LYSMD1: variants seen among roughly 807,000 people sequenced by gnomAD.
The protein encoded by LYSMD1 is lysM and putative peptidoglycan-binding domain-containing protein 1.
In LYSMD1, 9 loss-of-function variants were observed where a neutral mutation model predicts 19.3. The observed-to-expected ratio is 0.47, with a 90% CI of 0.28 to 0.81. The LOEUF is 0.81. Among genes scored for constraint, LYSMD1 ranks in the 40% least tolerant of loss-of-function variants. The pLI, the probability that LYSMD1 is intolerant of heterozygous loss-of-function variation, is 0.11. For missense variants in LYSMD1, 262 were observed against 279.8 expected (o/e 0.94, Z 0.45); for synonymous variants, 111 against 111.7 (o/e 0.99, Z 0.04).
In LYSMD1 at chr1:151,165,723, G is replaced by A. The variant is rs587616895; in HGVS notation, c.-465C>T. 4.5e-6 allele frequency: 7 copies of A among 1,551,598 alleles called. No individual in the cohort carries two copies. The highest frequency in any genetic ancestry group is 2.0e-5 in the Admixed American group (1 of 50,988). The stretch of plus-strand genomic sequence containing the variant: ...CTGTCGCCGCAGACGAAGAGCGTGA[G>A]GATTGCAAGAATTTGTAGTACACCT... On this transcript the variant is annotated 5_prime_UTR_variant, in exon 1 of 3. Transcript: ENST00000368908.
At position 151,160,700 on chromosome 1, in the gene LYSMD1, C is replaced by T. The variant is rs1475030420; in HGVS notation, c.*182G>A. ...CTGGGAAAGGTCCAGTTCCCATTCC[C>T]TAATCTTGCCAATAAAACTGCCCCA... On this transcript the variant is annotated 3_prime_UTR_variant, in exon 3 of 3. Transcript: ENST00000368908. 6.7e-6 allele frequency: 4 copies of T among 598,744 alleles called. No homozygotes were observed. Among genetic ancestry groups the T allele is most frequent in the Non-Finnish European group, 8.5e-6 (3 of 352,582 alleles). 37.1% of individuals were successfully genotyped at this position (598,744 alleles called of 1,614,324 possible).
downstream of LYSMD1, among the ~76,000 whole-genome samples, chr1:151,155,834 C>T (rs754257590): frequency 2.2e-4 from 34 of 152,040 alleles, no homozygotes; most frequent in Admixed American, 7.9e-4. Flanking sequence ...CTGCGGGGTG[C>T]GTTGGCTCAC....
At chr1:151,159,125 T>A (rs752229979), downstream of LYSMD1, 4 of 1,614,198 alleles carry the variant, frequency 2.5e-6, no homozygotes, top group Non-Finnish European at 3.4e-6. Flanking sequence ...CATGGCCGCA[T>A]CCGCCACGTG....
In LYSMD1 at chr1:151,161,782, G is replaced by C. The variant is rs1256812456; in HGVS notation, c.499C>G (p.Leu167Val). The change falls in exon 2 of 3, where the codon CTG becomes GTG. Residue 167 changes from leucine to valine, a missense_variant. By Grantham distance (32) the Leu-to-Val change is conservative (BLOSUM62 1). Coordinates refer to ENST00000368908, the MANE Select transcript of LYSMD1 (RefSeq NM_212551.5). ...FLKKLDSQIS[L>V]SKKAAAQKLK... ...TTCTGAGCAGCAGCCTTCTTGGACA[G>C]GCTGATCTGTGAATCAAGCTTCTTA... is the stretch of plus-strand genomic sequence containing the variant. The C allele has an allele frequency of 1.2e-6, 2 of 1,613,316 alleles. No individual in the cohort carries two copies. Among genetic ancestry groups the C allele is most frequent in the Non-Finnish European group, 1.7e-6 (2 of 1,179,834 alleles).
rs757193823 is a variant in LYSMD1, at chr1:151,162,134, T to C, written c.181-34A>G. The C allele has an allele frequency of 4.9e-5, 77 of 1,571,988 alleles. 1 individual carries two copies. The East Asian group carries it at 1.7e-3, about 35-fold the overall frequency. On this transcript the variant is annotated intron_variant, in intron 1 of 2. Coordinates refer to ENST00000368908, the MANE Select transcript of LYSMD1 (RefSeq NM_212551.5). ...AAAAAGTCACCAAAATTAAGGACAG[T>C]AATAATGATCAATCTTACATCTTGA... is the stretch of plus-strand genomic sequence containing the variant.
chr1:151,159,753 A>C lies in LYSMD1; in HGVS notation c.*1129T>G. ...GAAATAAAACTACTAAAATATGCAC[A>C]GGGCTCAATGTTTAATCTGTCCAGC... On this transcript the variant is annotated 3_prime_UTR_variant, in exon 3 of 3. Transcript: ENST00000368908. The C allele has an allele frequency of 3.4e-5, 6 of 177,840 alleles. No homozygotes were observed. The highest frequency in any genetic ancestry group is 1.7e-4 in the East Asian group (1 of 5,836). The allele number at this position is 177,840 out of a possible 1,614,324, so 11.0% of individuals were successfully genotyped here.
chr1:151,165,821 GGTT>G lies in LYSMD1; in HGVS notation c.-566_-564del, dbSNP rs1475653180. The G allele has an allele frequency of 9.3e-6, 14 of 1,507,992 alleles. No homozygotes were observed. In the Admixed American group the frequency reaches 9.8e-5, roughly 11 times the overall value. The allele number at this position is 1,507,992 out of a possible 1,614,324, so 93.4% of individuals were successfully genotyped here. A position where few individuals can be genotyped will look rare whatever the true frequency, so the allele number is the denominator to read the frequency against. On this transcript the variant is annotated 5_prime_UTR_variant, in exon 1 of 3. Coordinates refer to ENST00000368908, the MANE Select transcript of LYSMD1 (RefSeq NM_212551.5). ...CCCTCAAATTTCGGCTCCACATCTAGGTTGTTGTCCCTCCAAACGCCTCAGATC... is the reference window on the plus strand; with the variant it reads ...CCCTCAAATTTCGGCTCCACATCTAGGTTGTCCCTCCAAACGCCTCAGATC...
chr1:151,159,111 G>A (rs936360054), downstream of LYSMD1: 5 of 1,614,028 alleles, frequency 3.1e-6, no homozygotes, highest in African/African-American at 5.3e-5. Flanking sequence ...TCACGCCCAA[G>A]TCACATGGCC....
chr1:151,161,799 A>G lies in LYSMD1; in HGVS notation c.482T>C (p.Leu161Pro). The G allele has an allele frequency of 1.2e-6, 2 of 1,612,820 alleles. No individual in the cohort carries two copies. Among genetic ancestry groups the G allele is most frequent in the Non-Finnish European group, 1.7e-6 (2 of 1,179,678 alleles). ...DLSASDFLKKLDSQISLSKKA... is the reference protein window; with the variant it reads ...DLSASDFLKKPDSQISLSKKA... ...CTTGGACAGGCTGATCTGTGAATCA[A>G]GCTTCTTAAGGAAATCAGAGGCAGA... Residue 161 changes from leucine (L) to proline (P), a missense_variant, in exon 2 of 3, where the codon CTT (leucine) becomes CCT (proline). Transcript: ENST00000368908.
downstream of LYSMD1, among the ~76,000 whole-genome samples, chr1:151,158,382 C>T (rs1683302029): frequency 6.6e-6 from 1 of 151,466 alleles, no homozygotes; most frequent in Admixed American, 6.6e-5. Flanking sequence ...GCAGCAGCAA[C>T]AGCCTACTTC....
chr1:151,151,417 T>G, the LYSMD1 span, among the ~76,000 whole-genome samples: 1 of 150,026 alleles, frequency 6.7e-6, no homozygotes, highest in Non-Finnish European at 1.5e-5. Flanking sequence ...GCCAGGATGG[T>G]CTCGATCTTC....
Position 151,163,143 on chromosome 1 carries a change from C to G in LYSMD1, c.181-1043G>C, listed in dbSNP as rs1022507356. On this transcript the variant is annotated intron_variant, in intron 1 of 2. Coordinates refer to ENST00000368908, the MANE Select transcript of LYSMD1 (RefSeq NM_212551.5). Reference sequence around the variant, plus strand: ...CACTTTATTCATGCTGTTACTTCTGCCTGAAATGCTCCCACCCCCCTACTA... The same window carrying G: ...CACTTTATTCATGCTGTTACTTCTGGCTGAAATGCTCCCACCCCCCTACTA... 2.0e-5 allele frequency among the ~76,000 whole-genome samples: 3 copies of G among 152,044 alleles called. No individual in the cohort carries two copies. In the East Asian group the frequency reaches 5.8e-4, roughly 29 times the overall value.
Position 151,160,767 on chromosome 1 carries a change from G to T in LYSMD1, c.*115C>A. ...GCAGACAAGGAGGCTGGGGAGGATG[G>T]CTGGAGTGGAGGGAGGCAGGCTCAT... On this transcript the variant is annotated 3_prime_UTR_variant, in exon 3 of 3. Coordinates refer to ENST00000368908, the MANE Select transcript of LYSMD1 (RefSeq NM_212551.5). 7.6e-7 allele frequency: 1 copy of T among 1,313,078 alleles called. No homozygotes were observed. The highest frequency in any genetic ancestry group is 1.0e-6 in the Non-Finnish European group (1 of 953,256). 81.3% of individuals were successfully genotyped at this position (1,313,078 alleles called of 1,614,324 possible). A position where few individuals can be genotyped will look rare whatever the true frequency, so the allele number is the denominator to read the frequency against.
At chr1:151,163,661 G>A (rs1480079787) in intron 1 of LYSMD1, among the ~76,000 whole-genome samples, 1 of 151,996 alleles carries the variant, frequency 6.6e-6, no homozygotes, top group Non-Finnish European at 1.5e-5. Context: ...CCCAGTAGGT[G>A]GGATTACAGG....
chr1:151,163,204 C>T (rs1172144477), intron 1 of LYSMD1, among the ~76,000 whole-genome samples: 1 of 152,068 alleles, frequency 6.6e-6, no homozygotes. Flanking sequence ...TATTCATCAA[C>T]TATCACTCCC....
the LYSMD1 span, among the ~76,000 whole-genome samples, chr1:151,153,393 G>C: frequency 6.6e-6 from 1 of 151,988 alleles, no homozygotes; most frequent in Non-Finnish European, 1.5e-5. Context: ...AGTGGCTCAC[G>C]CCTGTAATCC....
chr1:151,158,685 C>T, downstream of LYSMD1: 1 of 1,560,402 alleles, frequency 6.4e-7, no homozygotes, highest in Non-Finnish European at 8.7e-7. Context: ...ACATACCCCA[C>T]TCTCCAGGAC....
At chr1:151,149,119 G>A in the LYSMD1 span, among the ~76,000 whole-genome samples, 4 of 152,134 alleles carry the variant, frequency 2.6e-5, no homozygotes, top group African/African-American at 9.7e-5. Flanking sequence ...GGCTGGGCGA[G>A]GTGGCTCACC....
At chr1:151,164,924 G>C (rs983116281) in intron 1 of LYSMD1, among the ~76,000 whole-genome samples, 155 bp downstream of exon 1, 1 of 152,186 alleles carries the variant, frequency 6.6e-6, no homozygotes, top group African/African-American at 2.4e-5. Flanking sequence ...GGCAGGACTT[G>C]TGCAACACTG....
Sources: gnomAD v4.1 joint callset for allele counts (sites outside exome capture counted in the v4.1 genomes callset) on GRCh38, gnomAD v4.1.1 for gene constraint, MANE v1.5 for transcripts, NCBI Gene and HGNC (gene_info 2026-07-23, HGNC 2026-07-21) for gene names.